RPH3A: variants seen among roughly 807,000 people sequenced by gnomAD.
RPH3A encodes rabphilin-3A.
RPH3A carries 48 observed loss-of-function variants against 102.2 expected under a neutral mutation model. The ratio of observed to expected loss-of-function variants is 0.47; its 90% confidence interval spans 0.37 to 0.60. The LOEUF is 0.60. Ranked by LOEUF, RPH3A falls within the 20% of genes least tolerant of loss-of-function variation. The pLI is 0.00. For missense variants in RPH3A, 781 were observed against 910.1 expected (o/e 0.86, Z 1.83); for synonymous variants, 310 against 324.3 (o/e 0.96, Z 0.47).
At chr12:112,737,546 A>G (rs1436884882) in intron 1 of RPH3A, among the ~76,000 whole-genome samples, 1 of 152,194 alleles carries the variant, frequency 6.6e-6, no homozygotes, top group African/African-American at 2.4e-5. Flanking sequence ...TGGATAGCAT[A>G]GACATGCCAT....
chr12:112,784,811 A>C (rs1210425051), intron 1 of RPH3A, among the ~76,000 whole-genome samples: 1 of 152,210 alleles, frequency 6.6e-6, no homozygotes, highest in African/African-American at 2.4e-5. Context: ...CAGGCTAGAA[A>C]CAGATTCAGA....
chr12:112,836,421 A>T, intron 3 of RPH3A, 70 bp from the exon 4 acceptor site: 1 of 884,464 alleles, frequency 1.1e-6, no homozygotes, highest in Non-Finnish European at 1.7e-6. Flanking sequence ...CAGACAGTGT[A>T]GATATTGTTA....
In RPH3A at chr12:112,692,704, G is replaced by A. The variant is rs115880132; in HGVS notation, c.-139-99439G>A. Among the ~76,000 whole-genome samples, 322 of 152,316 alleles carry A rather than the reference G, an allele frequency of 2.1e-3. 6 individuals carry two copies. Among genetic ancestry groups the A allele is most frequent in the African/African-American group, 7.4e-3 (307 of 41,560 alleles). ...GGATGAATCTGCATTGGGAGGGAAT[G>A]GGAAGGTCAGTGATGTTCCCAGGTT... On this transcript the variant is annotated intron_variant, in intron 1 of 21. Transcript: ENST00000543106.
At chr12:112,781,431 T>C (rs1854855213) in intron 1 of RPH3A, among the ~76,000 whole-genome samples, 1 of 152,172 alleles carries the variant, frequency 6.6e-6, no homozygotes, top group Non-Finnish European at 1.5e-5. Flanking sequence ...GGCAGAAGAC[T>C]TGCAGCTGAT....
intron 1 of RPH3A, among the ~76,000 whole-genome samples, chr12:112,659,873 G>A (rs1234677132): frequency 1.3e-5 from 2 of 152,062 alleles, no homozygotes; most frequent in Admixed American, 1.3e-4. Flanking sequence ...TTTGCTTTCT[G>A]GTACAGGATA....
At chr12:112,894,441 A>C (rs1489582974) in intron 19 of RPH3A, 137 bp from the exon 20 acceptor site, 2 of 767,456 alleles carry the variant, frequency 2.6e-6, no homozygotes, top group African/African-American at 3.5e-5. Context: ...GCTCTAATGC[A>C]TATTGGTCAT....
At position 112,739,454 on chromosome 12, in the gene RPH3A, A is replaced by G. The variant is rs150544194; in HGVS notation, c.-139-52689A>G. On this transcript the variant is annotated intron_variant, in intron 1 of 21. Coordinates refer to the RPH3A transcript ENST00000543106. ...GGGGTTGGAACTCGTGCCTGTGGAA[A>G]CTCATGCCCTTATGCCTGCCCTTAA... Among the ~76,000 whole-genome samples the G allele has an allele frequency of 4.9e-3, 743 of 152,214 alleles. 4 individuals carry two copies. Among genetic ancestry groups the G allele is most frequent in the African/African-American group, 0.016 (669 of 41,534 alleles).
At chr12:112,741,758 A>G (rs745444344) in intron 1 of RPH3A, among the ~76,000 whole-genome samples, 4 of 152,172 alleles carry the variant, frequency 2.6e-5, no homozygotes, top group Admixed American at 2.0e-4. Context: ...GTTGAAGACA[A>G]AAGAGGATAC....
chr12:112,898,271 G>C lies in RPH3A; in HGVS notation c.*1491G>C, dbSNP rs1245570553. ...ATGTGGGCAAACATTACAAATTTGA[G>C]GTTGAAGTCAGGCAATCTTCAATGC... is the stretch of plus-strand genomic sequence containing the variant. On this transcript the variant is annotated 3_prime_UTR_variant, in exon 22 of 22. Coordinates refer to ENST00000389385, the MANE Select transcript of RPH3A (RefSeq NM_001143854.2). The C allele has an allele frequency of 6.6e-6, 1 of 152,198 alleles. No individual in the cohort carries two copies. The highest frequency in any genetic ancestry group is 1.9e-4 in the East Asian group (1 of 5,200). 9.4% of individuals were successfully genotyped at this position (152,198 alleles called of 1,614,324 possible). A position where few individuals can be genotyped will look rare whatever the true frequency, so the allele number is the denominator to read the frequency against.
At chr12:112,726,582 C>T (rs1052885019) in intron 1 of RPH3A, among the ~76,000 whole-genome samples, 6 of 152,180 alleles carry the variant, frequency 3.9e-5, no homozygotes, top group Admixed American at 2.0e-4. Flanking sequence ...CCCAAATACC[C>T]ATCACCCAGA....
chr12:112,681,838 T>C (rs1267531377), intron 1 of RPH3A, among the ~76,000 whole-genome samples: 1 of 152,216 alleles, frequency 6.6e-6, no homozygotes, highest in Non-Finnish European at 1.5e-5. Flanking sequence ...TTGGTGCTTC[T>C]CTCTCAATTA....
chr12:112,822,746 C>T (rs1379156675), intron 2 of RPH3A, among the ~76,000 whole-genome samples: 1 of 152,214 alleles, frequency 6.6e-6, no homozygotes, highest in Non-Finnish European at 1.5e-5. Flanking sequence ...AAACTTTCCT[C>T]AACTCAGTTA....
chr12:112,821,590 C>A (rs2041780724), intron 2 of RPH3A, among the ~76,000 whole-genome samples: 1 of 152,224 alleles, frequency 6.6e-6, no homozygotes, highest in Non-Finnish European at 1.5e-5. Flanking sequence ...TTATTACCCA[C>A]TTTGGGTCTT....
chr12:112,889,944 T>C (rs1565946031), intron 17 of RPH3A, 80 bp from the exon 18 acceptor site: 3 of 1,278,926 alleles, frequency 2.3e-6, no homozygotes, highest in Non-Finnish European at 3.4e-6. Flanking sequence ...AATGGAAGTA[T>C]GAGGGGTTTC....
rs983080911 is a variant in RPH3A, at chr12:112,883,495, C to T, written c.1436+93C>T. The T allele has an allele frequency of 1.5e-5, 12 of 801,464 alleles. No homozygotes were observed. In the African/African-American group the frequency reaches 2.1e-4, roughly 14 times the overall value. 49.6% of individuals were successfully genotyped at this position (801,464 alleles called of 1,614,324 possible). On this transcript the variant is annotated intron_variant, in intron 16 of 21. Transcript: ENST00000389385. ...GGGGTGAGGCCCCCAGGGCTTCACTCTAAAAAGATCTCTACATAGTTTATT... is the reference window on the plus strand; with the variant it reads ...GGGGTGAGGCCCCCAGGGCTTCACTTTAAAAAGATCTCTACATAGTTTATT...
At chr12:112,810,079 T>G (rs757532161) in intron 2 of RPH3A, among the ~76,000 whole-genome samples, 9 of 152,306 alleles carry the variant, frequency 5.9e-5, no homozygotes, top group South Asian at 2.1e-4. Flanking sequence ...TCAGCTTCCT[T>G]TCTCGATTCC....
chr12:112,601,775 C>CA (rs2039561258), intron 1 of RPH3A, among the ~76,000 whole-genome samples: 2 of 151,806 alleles, frequency 1.3e-5, no homozygotes, highest in South Asian at 2.1e-4. Flanking sequence ...CTATAAAAAA[C>CA]AAAAAAATTA....
Position 112,686,463 on chromosome 12 carries a change from C to T in RPH3A, c.-139-105680C>T, listed in dbSNP as rs749692294. On this transcript the variant is annotated intron_variant, in intron 1 of 21. Transcript: ENST00000543106. The stretch of plus-strand genomic sequence containing the variant: ...GAGACATTACCAAATAAGATGCATG[C>T]GGGGGCTTGAAAAGTGCTCGTGCAT... 3.9e-5 allele frequency among the ~76,000 whole-genome samples: 6 copies of T among 152,240 alleles called. No individual in the cohort carries two copies. In the East Asian group the frequency reaches 5.8e-4, roughly 15 times the overall value.
intron 2 of RPH3A, among the ~76,000 whole-genome samples, chr12:112,823,096 G>C (rs998126810): frequency 2.6e-5 from 4 of 152,324 alleles, no homozygotes; most frequent in Non-Finnish European, 4.4e-5. Context: ...AGTGTAGCCT[G>C]GGAGAGGGCT....
Sources: gnomAD v4.1 joint callset for allele counts (sites outside exome capture counted in the v4.1 genomes callset) on GRCh38, gnomAD v4.1.1 for gene constraint, MANE v1.5 for transcripts, NCBI Gene and HGNC (gene_info 2026-07-23, HGNC 2026-07-21) for gene names.